The following SMG7 variants were observed in gnomAD, a reference collection of about 807,000 sequenced individuals.
The protein encoded by SMG7 is SMG7 nonsense mediated mRNA decay factor, also known as nonsense-mediated mRNA decay factor SMG7.
SMG7 carries 34 observed loss-of-function variants against 148.2 expected under a neutral mutation model. The ratio of observed to expected loss-of-function variants is 0.23; its 90% CI spans 0.17 to 0.31. The LOEUF (loss-of-function observed/expected upper bound fraction) is 0.31, where lower values mean the gene tolerates loss of function less well. Among genes scored for constraint, SMG7 ranks in the 10% least tolerant of loss-of-function variants. The pLI is 1.00. For missense variants in SMG7, 1,114 were observed against 1,408.4 expected, an observed-to-expected ratio of 0.79 and a Z score of 3.35; for synonymous variants, 492 against 515.1, an observed-to-expected ratio of 0.96 and a Z score of 0.61.
chr1:183,546,390 T>TGTCTTTTGA lies in SMG7; in HGVS notation c.2742+54_2742+62dup. On this transcript the variant is annotated intron_variant, in intron 17 of 22. Coordinates refer to ENST00000688051, the MANE Select transcript of SMG7 (RefSeq NM_001375584.1). ...ATTTGGAGATAGGTCTGAGGTTGACTGTCTTTTGAATATCTCAAATAGATC... is the reference window on the plus strand; with the variant it reads ...ATTTGGAGATAGGTCTGAGGTTGACTGTCTTTTGAGTCTTTTGAATATCTCAAATAGATC... The TGTCTTTTGA allele has an allele frequency of 1.9e-6, 3 of 1,546,422 alleles. No individual in the cohort carries two copies. In the South Asian group the frequency reaches 3.7e-5, roughly 19 times the overall value.
rs1211678539 is a variant in SMG7 at position 183,547,187 on chromosome 1, A to T, written c.2827A>T (p.Asn943Tyr). The T allele has an allele frequency of 2.6e-6, 4 of 1,550,340 alleles. No individual in the cohort carries two copies. Among genetic ancestry groups the T allele is most frequent in the East Asian group, 4.9e-5 (2 of 40,906 alleles). The change falls in exon 18 of 23, where the codon AAC becomes TAC. Residue 943 changes from asparagine to tyrosine, a missense_variant. Physicochemically the swap from Asn to Tyr is moderately radical, Grantham distance 143. Coordinates refer to ENST00000688051, the MANE Select transcript of SMG7 (RefSeq NM_001375584.1). ...LEEEEELIFS[N>Y]PPDLYPALLG... ...GGAAGAGGAAGAGCTGATTTTTTCT[A>T]ACCCTCCTGATCTTTACCCGGCTCT...
At chr1:183,506,392 A>G (rs1001710441) in intron 1 of SMG7, among the ~76,000 whole-genome samples, 4 of 152,176 alleles carry the variant, frequency 2.6e-5, no homozygotes, top group Admixed American at 6.5e-5. Flanking sequence ...TTTCTTTTCC[A>G]AATGACATTC....
chr1:183,538,550 T>A (rs1267713170), intron 12 of SMG7, 110 bp downstream of exon 12: 4 of 776,410 alleles, frequency 5.2e-6, no homozygotes, highest in Non-Finnish European at 6.8e-6. Context: ...AGCTGTGTGT[T>A]ATTTTTGTAA....
chr1:183,519,204 C>A (rs978831896), intron 4 of SMG7, among the ~76,000 whole-genome samples: 2 of 152,070 alleles, frequency 1.3e-5, no homozygotes, highest in Admixed American at 1.3e-4. Context: ...AAAAAAGAAT[C>A]CCTGTGTTGG....
intron 1 of SMG7, among the ~76,000 whole-genome samples, chr1:183,491,310 T>G (rs1045448010): frequency 6.6e-6 from 1 of 152,252 alleles, no homozygotes; most frequent in Non-Finnish European, 1.5e-5. Context: ...CTGAATAATA[T>G]TCTTTTGTGT....
intron 1 of SMG7, among the ~76,000 whole-genome samples, chr1:183,498,643 G>A (rs1279552506): frequency 6.6e-6 from 1 of 152,166 alleles, no homozygotes; most frequent in Non-Finnish European, 1.5e-5. Context: ...TTGCGAGAAA[G>A]GTATAGAGAT....
At position 183,553,031 on chromosome 1, in the gene SMG7, G is replaced by T; in HGVS notation, c.*1100G>T. ...GCCCAAAAGACAGTCTGAAGAGGAA[G>T]GAAGCAGCAGTATCTGCGTAGCCCA... On this transcript the variant is annotated 3_prime_UTR_variant, in exon 23 of 23. Transcript: ENST00000688051. 6.5e-7 allele frequency: 1 copy of T among 1,536,250 alleles called. No homozygotes were observed.
rs1316533854 is a variant in SMG7, at chr1:183,537,129, T to C, written c.1164-16T>C. 1 of 1,598,154 alleles carries C rather than the reference T, an allele frequency of 6.3e-7. No homozygotes were observed. Among genetic ancestry groups the C allele is most frequent in the South Asian group, 1.1e-5 (1 of 90,754 alleles). ...TTACATAAAAATAAAGTCTGAACTC[T>C]TTCTTTAATTTACAGCATTTGGCCC... On this transcript the variant is annotated splice_polypyrimidine_tract_variant and intron_variant, in intron 10 of 22. Transcript: ENST00000688051.
chr1:183,517,071 T>C (rs1558007899), intron 3 of SMG7, among the ~76,000 whole-genome samples: 1 of 152,226 alleles, frequency 6.6e-6, no homozygotes, highest in African/African-American at 2.4e-5. Flanking sequence ...CATATATAAC[T>C]AGATTAAAGA....
intron 13 of SMG7, among the ~76,000 whole-genome samples, chr1:183,541,608 G>A (rs886390292): frequency 2.0e-5 from 3 of 152,156 alleles, no homozygotes; most frequent in Non-Finnish European, 4.4e-5. Context: ...GTGTCCTTGG[G>A]ATCTCCCCAG....
chr1:183,548,899 T>TCTCA (rs1670454133), intron 18 of SMG7: 1 of 336,360 alleles, frequency 3.0e-6, no homozygotes, highest in Admixed American at 4.5e-5. Flanking sequence ...GTGCAACTAT[T>TCTCA]GACAAGGGGA....
intron 20 of SMG7, 92 bp downstream of exon 20, chr1:183,550,015 A>T: frequency 1.3e-6 from 1 of 793,906 alleles, no homozygotes; most frequent in Non-Finnish European, 1.9e-6. Context: ...CAAATATATC[A>T]TTTGTTGGGT....
chr1:183,523,900 T>C (rs539918674), intron 4 of SMG7, among the ~76,000 whole-genome samples: 1 of 151,848 alleles, frequency 6.6e-6, no homozygotes, highest in South Asian at 2.1e-4. Context: ...CCCTCTCATG[T>C]TTCTTAGTTA....
intron 1 of SMG7, among the ~76,000 whole-genome samples, chr1:183,510,337 C>T (rs1162674595): frequency 6.6e-6 from 1 of 151,974 alleles, no homozygotes; most frequent in Non-Finnish European, 1.5e-5. Flanking sequence ...GGATAGGGTA[C>T]ATGGTATGCT....
Position 183,545,847 on chromosome 1 carries a change from C to A in SMG7, c.2371-119C>A, listed in dbSNP as rs1366766828. On this transcript the variant is annotated intron_variant, in intron 16 of 22. Transcript: ENST00000688051. ...GCCCAAAAGGTAAAGGAAACTGCTG[C>A]CTTGCCTAGAGTTTTGTTGGTTGGA... 4 of 1,189,812 alleles carry A rather than the reference C, an allele frequency of 3.4e-6. No individual in the cohort carries two copies. In the African/African-American group the frequency reaches 6.1e-5, roughly 18 times the overall value. The allele number at this position is 1,189,812 out of a possible 1,614,324, so 73.7% of individuals were successfully genotyped here.
At chr1:183,506,991 G>A (rs1005193587) in intron 1 of SMG7, among the ~76,000 whole-genome samples, 1 of 147,634 alleles carries the variant, frequency 6.8e-6, no homozygotes, top group Non-Finnish European at 1.5e-5. Flanking sequence ...TGATTCTCCT[G>A]CCTCAGCCTC....
At chr1:183,481,487 G>C (rs2702177) in intron 1 of SMG7, among the ~76,000 whole-genome samples, 53,334 of 152,038 alleles carry the variant, frequency 0.35, 9,531 homozygotes, top group East Asian at 0.52. Context: ...GACTAAGTAT[G>C]GTTGAGACCA....
At chr1:183,482,384 A>G (rs1012575437) in intron 1 of SMG7, among the ~76,000 whole-genome samples, 1 of 151,974 alleles carries the variant, frequency 6.6e-6, no homozygotes, top group African/African-American at 2.4e-5. Flanking sequence ...TCCTCTTGAG[A>G]TATGTAAAGA....
intron 1 of SMG7, among the ~76,000 whole-genome samples, chr1:183,477,398 T>TTGTGTG (rs143157038): frequency 4.1e-4 from 55 of 133,042 alleles, no homozygotes; most frequent in East Asian, 2.4e-3. Flanking sequence ...CTGTTTTGTT[T>TTGTGTG]TGTGTGTGTG....
Sources: gnomAD v4.1 joint callset for allele counts (sites outside exome capture counted in the v4.1 genomes callset) on GRCh38, gnomAD v4.1.1 for gene constraint, MANE v1.5 for transcripts, NCBI Gene and HGNC (gene_info 2026-07-23, HGNC 2026-07-21) for gene names.